The following XYLT1 variants were observed in gnomAD, a reference collection of about 807,000 sequenced individuals.
XYLT1 encodes the protein xylosyltransferase 1, also known as beta-D-xylosyltransferase 1.
Under a neutral mutation model 91.3 loss-of-function variants are expected in XYLT1, and 36 were observed. The observed-to-expected ratio is 0.39, with a 90% confidence interval of 0.30 to 0.52. XYLT1 has a LOEUF of 0.52. XYLT1 is among the 20% of genes least tolerant of loss of function. The pLI, the probability that XYLT1 is intolerant of heterozygous loss-of-function variation, is 0.68. For synonymous variants in XYLT1, 588 were observed against 532.0 expected (o/e 1.11, Z -1.45); for missense variants, 1,242 against 1,284.5 (o/e 0.97, Z 0.51).
chr16:17,184,146 T>C (rs917325520), intron 5 of XYLT1, among the ~76,000 whole-genome samples: 3 of 150,696 alleles, frequency 2.0e-5, no homozygotes, highest in East Asian at 2.0e-4. Context: ...ATACCGTCCA[T>C]ACTCTTGGCC....
chr16:17,301,913 C>T (rs1294809861), intron 2 of XYLT1, among the ~76,000 whole-genome samples: 3 of 152,000 alleles, frequency 2.0e-5, no homozygotes, highest in Non-Finnish European at 4.4e-5. Context: ...TGGTAGCTTC[C>T]CTAAAATACA....
At chr16:17,212,501 A>G (rs529103148) in intron 3 of XYLT1, among the ~76,000 whole-genome samples, 1 of 152,150 alleles carries the variant, frequency 6.6e-6, no homozygotes, top group Non-Finnish European at 1.5e-5. Flanking sequence ...CGAGGTGGAA[A>G]GAATTTTACC....
intron 2 of XYLT1, among the ~76,000 whole-genome samples, chr16:17,265,516 T>C (rs2141766170): frequency 6.6e-6 from 1 of 152,358 alleles, no homozygotes; most frequent in Non-Finnish European, 1.5e-5. Context: ...CAAATGTTTG[T>C]GTGCAAGCTC....
In XYLT1 at chr16:17,308,967, TA is replaced by T. The variant is rs1288034362; in HGVS notation, c.402+49044del. Among the ~76,000 whole-genome samples the T allele has an allele frequency of 2.0e-5, 3 of 151,230 alleles. No individual in the cohort carries two copies. The East Asian group carries it at 5.8e-4, about 29-fold the overall frequency. On this transcript the variant is annotated intron_variant, in intron 2 of 11. Transcript: ENST00000261381. ...GAGACAAAAGATCAAAAGAGGAACG[TA>T]AACGTGAGCAAAAGCAAAAAATAAA...
At chr16:17,179,965 G>T (rs1173696128) in intron 5 of XYLT1, among the ~76,000 whole-genome samples, 1 of 152,180 alleles carries the variant, frequency 6.6e-6, no homozygotes, top group East Asian at 1.9e-4. Flanking sequence ...TTAAGGACAT[G>T]GGTGGGTTTA....
rs1966785122 is a variant in XYLT1 at position 17,106,929 on chromosome 16, G to A, written c.*1766C>T. 6.6e-6 allele frequency: 1 copy of A among 152,130 alleles called. No individual in the cohort carries two copies. Among genetic ancestry groups the A allele is most frequent in the African/African-American group, 2.4e-5 (1 of 41,396 alleles). 9.4% of individuals were successfully genotyped at this position (152,130 alleles called of 1,614,324 possible). A position where few individuals can be genotyped will look rare whatever the true frequency, so the allele number is the denominator to read the frequency against. Reference sequence around the variant, plus strand: ...TGCCCCTGCTTTACTCTGAGGATGAGGAGGATGGGGGGTAGACGCAGAGAA... The same window carrying A: ...TGCCCCTGCTTTACTCTGAGGATGAAGAGGATGGGGGGTAGACGCAGAGAA... On this transcript the variant is annotated 3_prime_UTR_variant, in exon 12 of 12. Coordinates refer to ENST00000261381, the MANE Select transcript of XYLT1 (RefSeq NM_022166.4).
chr16:17,301,723 G>T (rs1377598020), intron 2 of XYLT1, among the ~76,000 whole-genome samples: 1 of 152,150 alleles, frequency 6.6e-6, no homozygotes, highest in Non-Finnish European at 1.5e-5. Flanking sequence ...CGCAACAACA[G>T]GTGGCGAATG....
At chr16:17,137,170 A>G (rs1238958747) in intron 8 of XYLT1, among the ~76,000 whole-genome samples, 4 of 152,138 alleles carry the variant, frequency 2.6e-5, no homozygotes, top group Non-Finnish European at 5.9e-5. Context: ...CTCTGCATTC[A>G]TACAGGCACA....
At chr16:17,343,627 C>A (rs1398997885) in intron 2 of XYLT1, among the ~76,000 whole-genome samples, 1 of 152,146 alleles carries the variant, frequency 6.6e-6, no homozygotes, top group Non-Finnish European at 1.5e-5. Flanking sequence ...CGGGCCACTA[C>A]ACGCAGATTA....
intron 11 of XYLT1, among the ~76,000 whole-genome samples, chr16:17,114,092 G>A (rs1966847575): frequency 1.3e-5 from 2 of 151,682 alleles, no homozygotes; most frequent in South Asian, 4.2e-4. Flanking sequence ...CCTGTTGGGA[G>A]GGTGGGCACC....
At chr16:17,376,827 C>CAAAAAAAAA (rs10684824) in intron 1 of XYLT1, among the ~76,000 whole-genome samples, 12 of 55,670 alleles carry the variant, frequency 2.2e-4, no homozygotes, top group African/African-American at 8.1e-4. Flanking sequence ...AACTCTGTCT[C>CAAAAAAAAA]AAAAAAAAAA....
At chr16:17,273,088 T>G (rs889993499) in intron 2 of XYLT1, among the ~76,000 whole-genome samples, 2 of 152,208 alleles carry the variant, frequency 1.3e-5, no homozygotes, top group African/African-American at 4.8e-5. Context: ...CGTCCCCAGA[T>G]GTCCTGTGCG....
At chr16:17,147,872 C>T (rs753393168) in intron 6 of XYLT1, among the ~76,000 whole-genome samples, 3 of 152,170 alleles carry the variant, frequency 2.0e-5, no homozygotes, top group East Asian at 1.9e-4. Context: ...CAACAAGGGG[C>T]GCATGGCTCT....
chr16:17,462,239 A>T (rs2036833508), intron 1 of XYLT1, among the ~76,000 whole-genome samples: 1 of 152,228 alleles, frequency 6.6e-6, no homozygotes, highest in Admixed American at 6.5e-5. Context: ...GGACAGGACA[A>T]ATCCATTCAT....
intron 2 of XYLT1, among the ~76,000 whole-genome samples, chr16:17,305,759 A>G (rs1287876333): frequency 6.6e-6 from 1 of 152,128 alleles, no homozygotes. Flanking sequence ...ATTTGTAACT[A>G]TAAGGACCCG....
intron 5 of XYLT1, among the ~76,000 whole-genome samples, chr16:17,164,066 A>AAAAAAT: frequency 6.8e-6 from 1 of 147,426 alleles, no homozygotes; most frequent in Non-Finnish European, 1.5e-5. Flanking sequence ...AAAAAAAAAA[A>AAAAAAT]AAAGAAAGAC....
At chr16:17,290,076 C>A (rs185478063) in intron 2 of XYLT1, among the ~76,000 whole-genome samples, 19 of 152,158 alleles carry the variant, frequency 1.2e-4, no homozygotes, top group Non-Finnish European at 2.6e-4. Context: ...CTTAGAATAT[C>A]GAACCGTGTT....
chr16:17,215,681 G>A (rs1463009480), intron 3 of XYLT1, among the ~76,000 whole-genome samples: 2 of 152,152 alleles, frequency 1.3e-5, no homozygotes, highest in Non-Finnish European at 2.9e-5. Context: ...TTGACAGGTT[G>A]AGTGAGGAGT....
At chr16:17,393,643 GTGGC>G (rs1209564223) in intron 1 of XYLT1, among the ~76,000 whole-genome samples, 1 of 152,100 alleles carries the variant, frequency 6.6e-6, no homozygotes, top group Non-Finnish European at 1.5e-5. Context: ...TCTGGGTGTG[GTGGC>G]TCACATCTGT....
Sources: allele counts gnomAD v4.1 joint callset (sites outside exome capture counted in the v4.1 genomes callset), GRCh38; gene constraint gnomAD v4.1.1; transcripts MANE v1.5; gene names NCBI Gene and HGNC (gene_info 2026-07-23, HGNC 2026-07-21).